PLOD2: variants seen among roughly 807,000 people sequenced by gnomAD.
The protein encoded by PLOD2 is procollagen-lysine,2-oxoglutarate 5-dioxygenase 2.
PLOD2 carries 65 observed loss-of-function variants against 101.0 expected under a neutral mutation model. The ratio of observed to expected loss-of-function variants is 0.64; its 90% CI spans 0.53 to 0.79. The LOEUF (loss-of-function observed/expected upper bound fraction) is 0.79. Ranked by LOEUF, PLOD2 falls within the 30% of genes least tolerant of loss-of-function variation. The pLI, the probability that PLOD2 is intolerant of heterozygous loss-of-function variation, is 0.00. For synonymous variants in PLOD2, 314 were observed against 302.9 expected (o/e 1.04, Z -0.38); for missense variants, 909 against 914.6 (o/e 0.99, Z 0.08).
chr3:146,084,550 A>C (rs185271798), intron 11 of PLOD2, among the ~76,000 whole-genome samples: 1 of 152,290 alleles, frequency 6.6e-6, no homozygotes, highest in Admixed American at 6.5e-5. Flanking sequence ...GCACTTAATA[A>C]GCACTTGTTA....
chr3:146,097,379 T>C (rs1186531448), intron 7 of PLOD2, among the ~76,000 whole-genome samples: 3 of 134,634 alleles, frequency 2.2e-5, no homozygotes, highest in South Asian at 2.6e-4. Context: ...GGGGAAAAAA[T>C]TGAGAAATCT....
chr3:146,160,632 T>G (rs2032527744), intron 1 of PLOD2, among the ~76,000 whole-genome samples: 1 of 152,104 alleles, frequency 6.6e-6, no homozygotes, highest in Admixed American at 6.5e-5. Context: ...CAACTTGTTC[T>G]GCAGGGAAAT....
intron 1 of PLOD2, among the ~76,000 whole-genome samples, chr3:146,137,043 C>A (rs2031271214): frequency 6.6e-6 from 1 of 152,138 alleles, no homozygotes; most frequent in Non-Finnish European, 1.5e-5. Flanking sequence ...TGGTTCCATT[C>A]TGAATTACCA....
intron 7 of PLOD2, among the ~76,000 whole-genome samples, chr3:146,095,559 G>A (rs1261411409): frequency 6.6e-6 from 1 of 152,050 alleles, no homozygotes. Context: ...TGGAAATAAC[G>A]GATGCTGGTG....
At chr3:146,096,609 G>C (rs1342335377) in intron 7 of PLOD2, among the ~76,000 whole-genome samples, 5 of 93,874 alleles carry the variant, frequency 5.3e-5, no homozygotes, top group Admixed American at 1.9e-4. Context: ...GTCTCTGCCC[G>C]GCCGCTCCGT....
At position 146,088,570 on chromosome 3, in the gene PLOD2, T is replaced by C. The variant is rs1385861366; in HGVS notation, c.1005+16A>G. The C allele has an allele frequency of 1.3e-6, 2 of 1,507,410 alleles. No individual in the cohort carries two copies. The highest frequency in any genetic ancestry group is 2.8e-5 in the African/African-American group (2 of 72,396). The allele number at this position is 1,507,410 out of a possible 1,614,324, so 93.4% of individuals were successfully genotyped here. On this transcript the variant is annotated intron_variant, in intron 9 of 19. Coordinates refer to ENST00000282903, the MANE Select transcript of PLOD2 (RefSeq NM_182943.3). The stretch of plus-strand genomic sequence containing the variant: ...AAATAGTTTTGACATAAAATATTCA[T>C]TTCTCAAATACTTACTTTGTTATGA...
In PLOD2 at chr3:146,098,810, C is replaced by A. The variant is rs1339995737; in HGVS notation, c.777+3945G>T. ...ATCATTATAAACATCCATTACTAAA[C>A]AAAATAATAAGTAAAACTAACTTAC... On this transcript the variant is annotated intron_variant, in intron 7 of 19. Transcript: ENST00000282903. Among the ~76,000 whole-genome samples the A allele has an allele frequency of 2.0e-5, 3 of 152,026 alleles. No homozygotes were observed. In the East Asian group the frequency reaches 5.8e-4, roughly 29 times the overall value.
At chr3:146,099,981 A>T (rs1299555696) in intron 7 of PLOD2, among the ~76,000 whole-genome samples, 1 of 151,390 alleles carries the variant, frequency 6.6e-6, no homozygotes, top group African/African-American at 2.4e-5. Context: ...CCCGGGTTGA[A>T]GCGATTCTCC....
chr3:146,148,118 AG>A, intron 1 of PLOD2, among the ~76,000 whole-genome samples: 1 of 152,122 alleles, frequency 6.6e-6, no homozygotes, highest in East Asian at 1.9e-4. Flanking sequence ...GAAGGTGTTT[AG>A]GAAGATAAAT....
chr3:146,137,079 T>C (rs1324611746), intron 1 of PLOD2, among the ~76,000 whole-genome samples: 2 of 152,214 alleles, frequency 1.3e-5, no homozygotes, highest in African/African-American at 4.8e-5. Flanking sequence ...GACATGTTAA[T>C]GCTTTAATGA....
intron 1 of PLOD2, among the ~76,000 whole-genome samples, chr3:146,136,516 G>T (rs1392605618): frequency 6.6e-6 from 1 of 152,072 alleles, no homozygotes; most frequent in Admixed American, 6.6e-5. Context: ...TGAGACTTGG[G>T]TCCCATCCCC....
rs780062874 is a variant in PLOD2, at chr3:146,071,059, C to T, written c.2104G>A (p.Val702Met). Residue 702 changes from valine to methionine, a missense_variant, in exon 19 of 20, where the codon GTG becomes ATG. By Grantham distance (21) the Val-to-Met change is conservative. Transcript: ENST00000282903. ...ATAATTACCTGAAAGTCTTCTCCCACGTTATTAAGTGCAATGTTTATGGTA... is the reference window on the plus strand; with the variant it reads ...ATAATTACCTGAAAGTCTTCTCCCATGTTATTAAGTGCAATGTTTATGGTA... ...TFTINIALNN[V>M]GEDFQGGGCK... 17 of 1,607,340 alleles carry T rather than the reference C, an allele frequency of 1.1e-5. No homozygotes were observed. The highest frequency in any genetic ancestry group is 4.5e-5 in the East Asian group (2 of 44,768).
At chr3:146,147,016 T>C (rs559115082) in intron 1 of PLOD2, among the ~76,000 whole-genome samples, 5 of 152,188 alleles carry the variant, frequency 3.3e-5, no homozygotes, top group African/African-American at 1.2e-4. Flanking sequence ...GCTTCCGAGG[T>C]TGGGAGTTCT....
intron 14 of PLOD2, 39 bp from the exon 15 acceptor site, chr3:146,076,934 G>C (rs1185711407): frequency 2.9e-6 from 4 of 1,403,022 alleles, no homozygotes; most frequent in Non-Finnish European, 4.0e-6. Context: ...CTTAGAGGTA[G>C]GTACAAAAGT....
At chr3:146,088,934 T>C in intron 8 of PLOD2, 1 of 515,274 alleles carries the variant, frequency 1.9e-6, no homozygotes, top group Admixed American at 3.3e-5. Context: ...GGTTATGAGT[T>C]AGGTTTAAAG....
chr3:146,130,889 G>A (rs1407147057), intron 1 of PLOD2, among the ~76,000 whole-genome samples: 2 of 152,178 alleles, frequency 1.3e-5, no homozygotes, highest in East Asian at 3.8e-4. Context: ...GTCCTTGGCA[G>A]GCATCTGAAA....
At chr3:146,152,013 A>G (rs981208714) in intron 1 of PLOD2, among the ~76,000 whole-genome samples, 5 of 152,244 alleles carry the variant, frequency 3.3e-5, no homozygotes, top group African/African-American at 1.2e-4. Flanking sequence ...TTAGCTAAAT[A>G]AACTAATGTA....
At position 146,110,343 on chromosome 3, in the gene PLOD2, T is replaced by G; in HGVS notation, c.444A>C (p.Lys148Asn). 5.0e-6 allele frequency: 8 copies of G among 1,613,880 alleles called. No homozygotes were observed. Among genetic ancestry groups the G allele is most frequent in the Non-Finnish European group, 6.8e-6 (8 of 1,179,854 alleles). The stretch of plus-strand genomic sequence containing the variant: ...CAACAGGATACTTGTCTGCTAGTCT[T>G]TTATCTGGCCACAAAATTCCATCTG... Reference protein sequence around the residue: ...FAADGILWPDKRLADKYPVVH... With the variant: ...FAADGILWPDNRLADKYPVVH... The change falls in exon 4 of 20, where the codon AAA becomes AAC. Residue 148 changes from lysine to asparagine, a missense_variant. Transcript: ENST00000282903.
chr3:146,094,588 C>G (rs766850130), intron 7 of PLOD2, among the ~76,000 whole-genome samples: 1 of 152,132 alleles, frequency 6.6e-6, no homozygotes, highest in Non-Finnish European at 1.5e-5. Context: ...TAAGAGAGAA[C>G]ACAAACGAAT....
Sources: allele counts gnomAD v4.1 joint callset (sites outside exome capture counted in the v4.1 genomes callset), GRCh38; gene constraint gnomAD v4.1.1; transcripts MANE v1.5; gene names NCBI Gene and HGNC (gene_info 2026-07-23, HGNC 2026-07-21).